The following GDPD5 variants were observed in gnomAD, a reference collection of about 807,000 sequenced individuals.
GDPD5 encodes glycerophosphodiester phosphodiesterase 2.
In GDPD5, 48 loss-of-function variants were observed where a neutral mutation model predicts 75.1. The observed-to-expected ratio is 0.64, with a 90% CI of 0.51 to 0.81. The LOEUF (loss-of-function observed/expected upper bound fraction) is 0.81. Among genes scored for constraint, GDPD5 ranks in the 40% least tolerant of loss-of-function variants. The pLI, the probability that GDPD5 is intolerant of heterozygous loss-of-function variation, is 0.00. For missense variants in GDPD5, 706 were observed against 822.6 expected, an observed-to-expected ratio of 0.86 and a Z score of 1.73; for synonymous variants, 336 against 339.0, an observed-to-expected ratio of 0.99 and a Z score of 0.10.
In GDPD5 at chr11:75,514,561, C is replaced by T. The variant is rs577070145; in HGVS notation, c.-145+10649G>A. On this transcript the variant is annotated intron_variant, in intron 1 of 16. Coordinates refer to ENST00000336898, the MANE Select transcript of GDPD5 (RefSeq NM_030792.8). ...CAGTGTGAAGAGTTAGGATGATGCA[C>T]CCCCTATCCTGCCATGGTCAAGAGG... is the stretch of plus-strand genomic sequence containing the variant. Among the ~76,000 whole-genome samples, 70 of 152,322 alleles carry T rather than the reference C, an allele frequency of 4.6e-4. No individual in the cohort carries two copies. The South Asian group carries it at 0.014, about 30-fold the overall frequency.
rs745910762 is a variant in GDPD5 at position 75,435,520 on chromosome 11, C to G, written c.1805G>C (p.Arg602Pro). ...GGSHTKTLIE[R>P]SGR ...ACATGTCTTCAGCTAACGCCCACTCCGCTCTATGAGGGTCTTGGTGTGGCT... is the reference window on the plus strand; with the variant it reads ...ACATGTCTTCAGCTAACGCCCACTCGGCTCTATGAGGGTCTTGGTGTGGCT... The change falls in exon 17 of 17, where the codon CGG (arginine) becomes CCG (proline). Residue 602 changes from arginine (R) to proline (P), a missense_variant. Coordinates refer to ENST00000336898, the MANE Select transcript of GDPD5 (RefSeq NM_030792.8). The G allele has an allele frequency of 1.9e-6, 3 of 1,607,874 alleles. No individual in the cohort carries two copies. The highest frequency in any genetic ancestry group is 2.5e-6 in the Non-Finnish European group (3 of 1,177,198).
At chr11:75,444,035 C>A (rs1405602868) in intron 10 of GDPD5, among the ~76,000 whole-genome samples, 1 of 152,174 alleles carries the variant, frequency 6.6e-6, no homozygotes, top group Admixed American at 6.5e-5. Context: ...ATACTAATAT[C>A]TACTTATATA....
intron 3 of GDPD5, among the ~76,000 whole-genome samples, chr11:75,466,435 A>G (rs561270355): frequency 1.5e-4 from 23 of 152,294 alleles, no homozygotes; most frequent in East Asian, 3.9e-4. Flanking sequence ...AGAGGCCCCA[A>G]TAGCACTAAT....
chr11:75,454,570 G>A (rs1949243622), intron 6 of GDPD5, among the ~76,000 whole-genome samples: 2 of 152,224 alleles, frequency 1.3e-5, no homozygotes. Flanking sequence ...ACAGGGAACT[G>A]GCTAGACGCC....
intron 1 of GDPD5, among the ~76,000 whole-genome samples, chr11:75,500,944 T>C (rs1377999092): frequency 6.6e-6 from 1 of 152,198 alleles, no homozygotes; most frequent in Non-Finnish European, 1.5e-5. Flanking sequence ...CCAGCAGGCC[T>C]GGGCATGCCT....
chr11:75,502,268 A>G (rs1417380051), intron 1 of GDPD5, among the ~76,000 whole-genome samples: 1 of 152,210 alleles, frequency 6.6e-6, no homozygotes, highest in East Asian at 1.9e-4. Context: ...TGCAAAGTTA[A>G]TTTCTTCTGT....
Position 75,443,203 on chromosome 11 carries a change from C to A in GDPD5, c.881G>T (p.Arg294Leu), listed in dbSNP as rs770826317. 1 of 1,603,536 alleles carries A rather than the reference C, an allele frequency of 6.2e-7. No homozygotes were observed. Residue 294 changes from arginine to leucine, a missense_variant, in exon 11 of 17, where the codon CGC becomes CTC. By Grantham distance (102) the Arg-to-Leu change is moderately radical. Transcript: ENST00000336898. ...CCAGTTAAGCATGGAGGCAGGCCTG[C>A]GGGCCAGCTCCGGGAACTCCTCCTC... Reference protein sequence around the residue: ...NVEEEFPELARRPASMLNWTT... With the variant: ...NVEEEFPELALRPASMLNWTT...
In GDPD5 at chr11:75,475,876, G is replaced by A. The variant is rs372724142; in HGVS notation, c.117+1743C>T. ...ACCCTAGCCTTGCAGGGCACATTCT[G>A]TTCTGGTTCTCAGTCAGCTCAAAAC... On this transcript the variant is annotated intron_variant, in intron 3 of 16. Coordinates refer to ENST00000336898, the MANE Select transcript of GDPD5 (RefSeq NM_030792.8). 1.5e-4 allele frequency among the ~76,000 whole-genome samples: 23 copies of A among 152,318 alleles called. No homozygotes were observed. In the South Asian group the frequency reaches 3.1e-3, roughly 21 times the overall value.
At chr11:75,480,591 T>TATC (rs1299918029) in intron 2 of GDPD5, among the ~76,000 whole-genome samples, 2 of 152,124 alleles carry the variant, frequency 1.3e-5, no homozygotes, top group Non-Finnish European at 2.9e-5. Flanking sequence ...ATCCCCAAAG[T>TATC]ATCATCATCA....
At chr11:75,464,662 G>T (rs193254999) in intron 3 of GDPD5, among the ~76,000 whole-genome samples, 2 of 152,182 alleles carry the variant, frequency 1.3e-5, no homozygotes, top group Admixed American at 6.5e-5. Context: ...ACGACACCCT[G>T]AGGCCCAGTA....
Position 75,473,356 on chromosome 11 carries a change from T to G in GDPD5, c.117+4263A>C, listed in dbSNP as rs376276836. On this transcript the variant is annotated intron_variant, in intron 3 of 16. Transcript: ENST00000336898. Reference sequence around the variant, plus strand: ...TGTGTTCCCATCTCCAGGATGGGCCTCCATCCACCCACGCTGGGCATCATG... The same window carrying G: ...TGTGTTCCCATCTCCAGGATGGGCCGCCATCCACCCACGCTGGGCATCATG... Among the ~76,000 whole-genome samples the G allele has an allele frequency of 3.6e-3, 547 of 152,112 alleles. 6 individuals are homozygous for G. Among genetic ancestry groups the G allele is most frequent in the African/African-American group, 0.013 (529 of 41,488 alleles).
chr11:75,473,800 G>A (rs1690506026), intron 3 of GDPD5, among the ~76,000 whole-genome samples: 1 of 152,140 alleles, frequency 6.6e-6, no homozygotes, highest in South Asian at 2.1e-4. Context: ...ACACTTCCCT[G>A]GTCTGTGGAG....
chr11:75,507,966 CT>C lies in GDPD5; in HGVS notation c.-145+17243del, dbSNP rs372045373. Among the ~76,000 whole-genome samples, 638 of 147,950 alleles carry C rather than the reference CT, an allele frequency of 4.3e-3. 4 individuals carry two copies. The highest frequency in any genetic ancestry group is 7.3e-3 in the Non-Finnish European group (483 of 66,500). On this transcript the variant is annotated intron_variant, in intron 1 of 16. Transcript: ENST00000336898. Reference sequence around the variant, plus strand: ...CCCAGCACCCACTATCTATCAGTTGCTTTTTTTTTTTCCACAGTAGGATTTT... The same window carrying C: ...CCCAGCACCCACTATCTATCAGTTGCTTTTTTTTTTCCACAGTAGGATTTT...
At chr11:75,473,641 G>C in intron 3 of GDPD5, among the ~76,000 whole-genome samples, 1 of 152,062 alleles carries the variant, frequency 6.6e-6, no homozygotes. Context: ...CGCTGCCCAG[G>C]ATGAAGCCTA....
At chr11:75,446,889 CTTT>C (rs886376428) in intron 9 of GDPD5, among the ~76,000 whole-genome samples, 1 of 148,178 alleles carries the variant, frequency 6.7e-6, no homozygotes, top group Admixed American at 6.7e-5. Flanking sequence ...GGACGGGGAA[CTTT>C]TTTTTTTTGA....
At chr11:75,477,598 C>A in intron 3 of GDPD5, 21 bp downstream of exon 3, 2 of 1,519,986 alleles carry the variant, frequency 1.3e-6, no homozygotes, top group Non-Finnish European at 1.8e-6. Context: ...GTCCCTCTGA[C>A]CCTGTTCCAG....
chr11:75,498,845 A>ATCTCATATT (rs34774858), intron 1 of GDPD5, among the ~76,000 whole-genome samples: 1 of 7,510 alleles, frequency 1.3e-4, no homozygotes, highest in African/African-American at 1.8e-4. Context: ...ACCTTACATG[A>ATCTCATATT]GTCTGTTGAC....
intron 9 of GDPD5, among the ~76,000 whole-genome samples, chr11:75,446,770 C>T (rs1441363432): frequency 6.6e-6 from 1 of 152,108 alleles, no homozygotes; most frequent in Non-Finnish European, 1.5e-5. Flanking sequence ...CTTGCCAGCC[C>T]CTCAAAAACT....
chr11:75,467,474 G>A (rs1029156363), intron 3 of GDPD5, among the ~76,000 whole-genome samples: 3 of 152,218 alleles, frequency 2.0e-5, no homozygotes, highest in Non-Finnish European at 4.4e-5. Context: ...GTGAGACAGG[G>A]CAACAGAGGG....
Sources: allele counts gnomAD v4.1 joint callset (sites outside exome capture counted in the v4.1 genomes callset), GRCh38; gene constraint gnomAD v4.1.1; transcripts MANE v1.5; gene names NCBI Gene and HGNC (gene_info 2026-07-23, HGNC 2026-07-21).